Variants in GAS7 observed in about 807,000 individuals in gnomAD.
GAS7 encodes the protein growth arrest specific 7.
In GAS7, 28 loss-of-function variants were observed where a neutral mutation model predicts 71.1. That is an observed-to-expected ratio of 0.39 (90% CI 0.29 to 0.54). GAS7 has a LOEUF of 0.54. GAS7 is among the 20% of genes least tolerant of loss of function. The pLI, the probability that GAS7 is intolerant of heterozygous loss-of-function variation, is 0.62. For synonymous variants in GAS7, 258 were observed against 245.8 expected, an observed-to-expected ratio of 1.05 and a Z score of -0.46; for missense variants, 436 against 627.8, an observed-to-expected ratio of 0.69 and a Z score of 3.27.
intron 1 of GAS7, among the ~76,000 whole-genome samples, chr17:10,065,993 A>C (rs2073277119): frequency 6.6e-6 from 1 of 152,196 alleles, no homozygotes; most frequent in African/African-American, 2.4e-5. Flanking sequence ...TCCGGAGCTC[A>C]AGTTAGGGGG....
chr17:9,978,132 C>G (rs567051519), intron 3 of GAS7, among the ~76,000 whole-genome samples: 13 of 152,052 alleles, frequency 8.5e-5, no homozygotes, highest in African/African-American at 3.1e-4. Context: ...GAGAATCCCT[C>G]GAGCCCAGGA....
chr17:10,069,316 A>G (rs1407127068), intron 1 of GAS7, among the ~76,000 whole-genome samples: 5 of 152,202 alleles, frequency 3.3e-5, no homozygotes, highest in Admixed American at 6.5e-5. Context: ...CTGCCACTAA[A>G]TCCTCAACAG....
chr17:10,092,691 C>G (rs1160592322), intron 1 of GAS7, among the ~76,000 whole-genome samples: 3 of 152,184 alleles, frequency 2.0e-5, no homozygotes, highest in Non-Finnish European at 4.4e-5. Context: ...AGTCCAAAAC[C>G]AAGTCAAAAA....
intron 1 of GAS7, among the ~76,000 whole-genome samples, chr17:10,056,408 T>C (rs2152239546): frequency 6.6e-6 from 1 of 152,016 alleles, no homozygotes; most frequent in East Asian, 1.9e-4. Flanking sequence ...GGTGGGAGGA[T>C]CGCTTGAGCC....
intron 1 of GAS7, among the ~76,000 whole-genome samples, chr17:10,095,308 G>C (rs1432794395): frequency 6.6e-6 from 1 of 152,168 alleles, no homozygotes; most frequent in Non-Finnish European, 1.5e-5. Context: ...ACTCCATGAA[G>C]CTTTCTGAGT....
chr17:10,071,402 A>G (rs1426347375), intron 1 of GAS7, among the ~76,000 whole-genome samples: 1 of 152,154 alleles, frequency 6.6e-6, no homozygotes, highest in African/African-American at 2.4e-5. Context: ...ACAAGAACAG[A>G]AAATGGGTGA....
chr17:10,148,683 G>A (rs2074140174), intron 1 of GAS7, among the ~76,000 whole-genome samples: 1 of 151,436 alleles, frequency 6.6e-6, no homozygotes, highest in African/African-American at 2.4e-5. Flanking sequence ...AGGCTGAGGT[G>A]GGCGGATCAC....
chr17:10,117,875 T>C (rs571460986), intron 1 of GAS7, among the ~76,000 whole-genome samples: 2 of 152,278 alleles, frequency 1.3e-5, no homozygotes, highest in East Asian at 3.9e-4. Context: ...CCAACCTGCA[T>C]TCTCAACATG....
At chr17:9,989,092 G>A (rs945289699) in intron 2 of GAS7, among the ~76,000 whole-genome samples, 12 of 151,942 alleles carry the variant, frequency 7.9e-5, no homozygotes, top group East Asian at 1.9e-4. Flanking sequence ...CTCATGATCC[G>A]TCTGTCTCAG....
intron 1 of GAS7, among the ~76,000 whole-genome samples, chr17:10,067,959 C>A (rs1403410565): frequency 6.6e-6 from 1 of 152,190 alleles, no homozygotes; most frequent in Non-Finnish European, 1.5e-5. Flanking sequence ...TGTAAAGAAT[C>A]GGGGTGTGGC....
chr17:10,008,767 G>GCTCT (rs531212566), intron 2 of GAS7, among the ~76,000 whole-genome samples: 2 of 149,190 alleles, frequency 1.3e-5, no homozygotes, highest in African/African-American at 4.9e-5. Context: ...TTAGGCTGGC[G>GCTCT]CTCTCTCTCT....
intron 1 of GAS7, among the ~76,000 whole-genome samples, chr17:10,057,384 T>C (rs2073155435): frequency 6.7e-6 from 1 of 150,120 alleles, no homozygotes; most frequent in Non-Finnish European, 1.5e-5. Flanking sequence ...GTCTGAGATG[T>C]GGGGAGCGCC....
rs542044977 is a variant in GAS7 at position 10,031,498 on chromosome 17, C to T, written c.184-11601G>A. Among the ~76,000 whole-genome samples, 10 of 152,316 alleles carry T rather than the reference C, an allele frequency of 6.6e-5. No homozygotes were observed. The East Asian group carries it at 1.9e-3, about 29-fold the overall frequency. The stretch of plus-strand genomic sequence containing the variant: ...GCAAGGATGAGTTGGACGGCCCCTC[C>T]TGGGTCAGAAGTCATGTCACAGCCT... On this transcript the variant is annotated intron_variant, in intron 1 of 13. Coordinates refer to ENST00000432992, the MANE Select transcript of GAS7 (RefSeq NM_201433.2).
intron 1 of GAS7, among the ~76,000 whole-genome samples, chr17:10,152,526 AGACC>A (rs2074174186): frequency 6.6e-6 from 1 of 152,210 alleles, no homozygotes; most frequent in Non-Finnish European, 1.5e-5. Flanking sequence ...AGACCCACCT[AGACC>A]GAGTGACTCA....
chr17:9,934,748 T>G (rs192736855), intron 8 of GAS7, among the ~76,000 whole-genome samples: 284 of 152,324 alleles, frequency 1.9e-3, no homozygotes, highest in African/African-American at 6.5e-3. Context: ...TTTATTAGTT[T>G]GTTCCTTGAG....
Position 9,917,203 on chromosome 17 carries a change from A to AC in GAS7, c.*24dup, listed in dbSNP as rs1337649200. Reference sequence around the variant, plus strand: ...GAGCCCAGCCCCCCTCCCCAGCAGGACCCCCCGAAGCTGCACAGGCCCATC... The same window carrying AC: ...GAGCCCAGCCCCCCTCCCCAGCAGGACCCCCCCGAAGCTGCACAGGCCCATC... On this transcript the variant is annotated 3_prime_UTR_variant, in exon 14 of 14. Coordinates refer to ENST00000432992, the MANE Select transcript of GAS7 (RefSeq NM_201433.2). 5 of 908,926 alleles carry AC rather than the reference A, an allele frequency of 5.5e-6. No individual in the cohort carries two copies. Among genetic ancestry groups the AC allele is most frequent in the Admixed American group, 1.7e-5 (1 of 58,952 alleles). 56.3% of individuals were successfully genotyped at this position (908,926 alleles called of 1,614,324 possible). A position where few individuals can be genotyped will look rare whatever the true frequency, so the allele number is the denominator to read the frequency against.
chr17:9,970,555 C>A (rs892234824), intron 3 of GAS7, among the ~76,000 whole-genome samples: 7 of 152,110 alleles, frequency 4.6e-5, no homozygotes, highest in African/African-American at 1.4e-4. Context: ...TCGCTTGAAC[C>A]CAGGAGGCAG....
intron 1 of GAS7, among the ~76,000 whole-genome samples, chr17:10,055,749 T>C (rs2073127478): frequency 6.6e-6 from 1 of 152,268 alleles, no homozygotes; most frequent in South Asian, 2.1e-4. Context: ...AAAAGTTTCA[T>C]GGAACAATGC....
intron 1 of GAS7, chr17:10,059,887 TC>T: frequency 1.2e-5 from 10 of 808,918 alleles, no homozygotes; most frequent in Non-Finnish European, 1.5e-5. Context: ...CAAATGATAT[TC>T]AAAATGAAAG....
Sources: gnomAD v4.1 joint callset for allele counts (sites outside exome capture counted in the v4.1 genomes callset) on GRCh38, gnomAD v4.1.1 for gene constraint, MANE v1.5 for transcripts, NCBI Gene and HGNC (gene_info 2026-07-23, HGNC 2026-07-21) for gene names.